PACRG: variants seen among roughly 807,000 people sequenced by gnomAD.
The protein encoded by PACRG is parkin coregulated gene protein.
PACRG carries 29 observed loss-of-function variants against 29.7 expected under a neutral mutation model. That is an observed-to-expected ratio of 0.98 (90% CI 0.73 to 1.33). The LOEUF is 1.33. Among genes scored for constraint, PACRG ranks in the 40% most tolerant of loss-of-function variants. The pLI, the probability that PACRG is intolerant of heterozygous loss-of-function variation, is 0.00. For missense variants in PACRG, 279 were observed against 316.2 expected, an observed-to-expected ratio of 0.88 and a Z score of 0.89; for synonymous variants, 116 against 118.7, an observed-to-expected ratio of 0.98 and a Z score of 0.15.
At chr6:162,765,984 A>G (rs1460272114) in intron 1 of PACRG, among the ~76,000 whole-genome samples, 1 of 152,168 alleles carries the variant, frequency 6.6e-6, no homozygotes, top group Non-Finnish European at 1.5e-5. Flanking sequence ...GTACAATGTC[A>G]TGTGTCAAGA....
At chr6:163,201,109 A>C (rs1342084008) in intron 4 of PACRG, among the ~76,000 whole-genome samples, 1 of 152,114 alleles carries the variant, frequency 6.6e-6, no homozygotes, top group Non-Finnish European at 1.5e-5. Context: ...AATGTGTCAA[A>C]CAAGTATAAG....
In PACRG at chr6:162,728,041, C is replaced by T. The variant is rs998374879; in HGVS notation, c.-195C>T. ...TCTAGCCAAGGTCCTGCCCTCTTCC[C>T]GCCCCGCCCCTAGGGTCCAGCTCCC... is the stretch of plus-strand genomic sequence containing the variant. On this transcript the variant is annotated 5_prime_UTR_variant, in exon 1 of 5. Transcript: ENST00000366888. 1.2e-4 allele frequency: 83 copies of T among 709,510 alleles called. No individual in the cohort carries two copies. Among genetic ancestry groups the T allele is most frequent in the Non-Finnish European group, 1.8e-4 (75 of 417,900 alleles). 44.0% of individuals were successfully genotyped at this position (709,510 alleles called of 1,614,324 possible). A position where few individuals can be genotyped will look rare whatever the true frequency, so the allele number is the denominator to read the frequency against.
At chr6:163,202,482 T>C (rs1780745355) in intron 4 of PACRG, among the ~76,000 whole-genome samples, 1 of 152,150 alleles carries the variant, frequency 6.6e-6, no homozygotes, top group South Asian at 2.1e-4. Flanking sequence ...TATGTGTGTA[T>C]AAATATTATA....
intron 1 of PACRG, among the ~76,000 whole-genome samples, chr6:162,750,455 G>C (rs1485411485): frequency 6.6e-6 from 1 of 152,138 alleles, no homozygotes; most frequent in African/African-American, 2.4e-5. Context: ...AAAATCAACA[G>C]ATTATTTCTA....
chr6:162,827,563 T>C (rs747619002), intron 2 of PACRG, among the ~76,000 whole-genome samples: 2 of 152,224 alleles, frequency 1.3e-5, no homozygotes, highest in Non-Finnish European at 2.9e-5. Context: ...AATATACTAG[T>C]ATTGCAGAAA....
At chr6:163,226,798 C>A (rs12210929) in intron 4 of PACRG, among the ~76,000 whole-genome samples, 83,490 of 152,096 alleles carry the variant, frequency 0.55, 22,961 homozygotes, top group East Asian at 0.64. Flanking sequence ...CAGCCTCCAC[C>A]GTGACCCATG....
chr6:163,037,775 G>T (rs1255186736), intron 2 of PACRG, among the ~76,000 whole-genome samples: 1 of 152,180 alleles, frequency 6.6e-6, no homozygotes, highest in Admixed American at 6.5e-5. Flanking sequence ...CTGGAGGGGA[G>T]GGTCTGGGAC....
chr6:163,201,503 C>A (rs1780696914), intron 4 of PACRG, among the ~76,000 whole-genome samples: 1 of 152,212 alleles, frequency 6.6e-6, no homozygotes, highest in African/African-American at 2.4e-5. Flanking sequence ...TGGGGACAGT[C>A]TCCTCACCTT....
intron 1 of PACRG, among the ~76,000 whole-genome samples, chr6:162,739,703 G>A (rs1380928720): frequency 1.3e-5 from 2 of 152,008 alleles, no homozygotes; most frequent in African/African-American, 4.8e-5. Flanking sequence ...TTAGCTGCAT[G>A]TGGTGGCAGG....
chr6:163,077,290 G>T (rs1812635554), intron 3 of PACRG, among the ~76,000 whole-genome samples: 2 of 152,124 alleles, frequency 1.3e-5, no homozygotes, highest in Non-Finnish European at 2.9e-5. Flanking sequence ...AGGAGGAGAG[G>T]TGACCCTGGT....
At chr6:162,810,026 C>T (rs1786703642) in intron 1 of PACRG, among the ~76,000 whole-genome samples, 1 of 152,094 alleles carries the variant, frequency 6.6e-6, no homozygotes, top group Admixed American at 6.5e-5. Flanking sequence ...GGAATTTCAC[C>T]ACTGCCCAGG....
intron 3 of PACRG, among the ~76,000 whole-genome samples, chr6:163,078,005 C>G (rs867937841): frequency 6.6e-5 from 10 of 152,242 alleles, no homozygotes; most frequent in African/African-American, 2.4e-4. Context: ...ATTTTCAAGC[C>G]GAATCCGCCG....
chr6:163,033,326 T>G (rs754780666), intron 2 of PACRG, among the ~76,000 whole-genome samples: 3 of 152,220 alleles, frequency 2.0e-5, no homozygotes, highest in Non-Finnish European at 4.4e-5. Flanking sequence ...AGCGTTTAAC[T>G]TCACATGTCT....
At chr6:163,040,350 G>A (rs1808577441) in intron 2 of PACRG, among the ~76,000 whole-genome samples, 1 of 152,252 alleles carries the variant, frequency 6.6e-6, no homozygotes, top group Admixed American at 6.5e-5. Flanking sequence ...CAAGGGCAGA[G>A]CCCTCATGGA....
At position 162,814,144 on chromosome 6, in the gene PACRG, A is replaced by C; in HGVS notation, c.157-3A>C. ...GATCCCTATTTTTTTTTTTCCAATT[A>C]AGGTGAGAGGCCCTCCAGCTGCAGG... On this transcript the variant is annotated splice_region_variant and splice_polypyrimidine_tract_variant and intron_variant, in intron 1 of 4. Transcript: ENST00000366888. 1 of 1,595,770 alleles carries C rather than the reference A, an allele frequency of 6.3e-7. No individual in the cohort carries two copies. The highest frequency in any genetic ancestry group is 8.5e-7 in the Non-Finnish European group (1 of 1,172,576).
intron 2 of PACRG, among the ~76,000 whole-genome samples, chr6:162,834,931 C>A (rs2128399332): frequency 6.6e-6 from 1 of 151,940 alleles, no homozygotes; most frequent in South Asian, 2.1e-4. Flanking sequence ...TATTAAATCC[C>A]CTTTATTTTG....
intron 4 of PACRG, among the ~76,000 whole-genome samples, chr6:163,159,559 A>AT (rs1397392410): frequency 6.6e-6 from 1 of 151,944 alleles, no homozygotes; most frequent in African/African-American, 2.4e-5. Context: ...GTACTCACTA[A>AT]TTTTTTTCTA....
intron 4 of PACRG, among the ~76,000 whole-genome samples, chr6:163,130,602 G>C (rs1816695176): frequency 6.6e-6 from 1 of 152,118 alleles, no homozygotes. Flanking sequence ...ATAATGTCAA[G>C]ACTTTATCAG....
chr6:163,305,543 A>G (rs1441450486), intron 4 of PACRG, among the ~76,000 whole-genome samples: 1 of 152,186 alleles, frequency 6.6e-6, no homozygotes, highest in East Asian at 1.9e-4. Context: ...TGTAACTAAT[A>G]TCTACCAGAC....
Sources: gnomAD v4.1 joint callset for allele counts (sites outside exome capture counted in the v4.1 genomes callset) on GRCh38, gnomAD v4.1.1 for gene constraint, MANE v1.5 for transcripts, NCBI Gene and HGNC (gene_info 2026-07-23, HGNC 2026-07-21) for gene names.